Variants in OXSR1 observed in about 807,000 individuals in gnomAD.
OXSR1 encodes the protein serine/threonine-protein kinase OSR1.
A neutral mutation model predicts 79.8 loss-of-function variants in OXSR1; 24 were observed. The ratio of observed to expected loss-of-function variants is 0.30; its 90% CI spans 0.22 to 0.42. The LOEUF is 0.42. OXSR1 is among the 10% of genes least tolerant of loss of function. The probability of loss-of-function intolerance (pLI) is 1.00; values close to 1 mark genes in which losing one functional copy is unlikely to be tolerated. For missense variants in OXSR1, 430 were observed against 618.4 expected, an observed-to-expected ratio of 0.70 and a Z score of 3.23; for synonymous variants, 226 against 209.2, an observed-to-expected ratio of 1.08 and a Z score of -0.69.
At chr3:38,170,519 TGCATTTAA>T (rs1701559055) in intron 1 of OXSR1, among the ~76,000 whole-genome samples, 1 of 152,184 alleles carries the variant, frequency 6.6e-6, no homozygotes, top group African/African-American at 2.4e-5. Context: ...TTTTAGCTCT[TGCATTTAA>T]GCCTCTGATA....
chr3:38,233,860 T>A (rs1459673348), intron 10 of OXSR1, among the ~76,000 whole-genome samples: 1 of 151,690 alleles, frequency 6.6e-6, no homozygotes, highest in South Asian at 2.1e-4. Context: ...TGCAGGGAGC[T>A]GTGTTCGTGC....
At chr3:38,197,752 A>G (rs1702094010) in intron 3 of OXSR1, among the ~76,000 whole-genome samples, 1 of 152,216 alleles carries the variant, frequency 6.6e-6, no homozygotes, top group African/African-American at 2.4e-5. Context: ...ATTTGGAAGT[A>G]TATTTTTTCT....
intron 4 of OXSR1, among the ~76,000 whole-genome samples, chr3:38,207,854 T>C (rs968778494): frequency 1.3e-5 from 2 of 150,826 alleles, no homozygotes; most frequent in Non-Finnish European, 3.0e-5. Flanking sequence ...CTTGCTTGCT[T>C]TCTTTGCTTT....
rs376982746 is a variant in OXSR1 at position 38,246,148 on chromosome 3, C to A, written c.1184C>A (p.Pro395Gln). 6 of 1,613,518 alleles carry A rather than the reference C, an allele frequency of 3.7e-6. No individual in the cohort carries two copies. The highest frequency in any genetic ancestry group is 1.7e-5 in the Admixed American group (1 of 59,954). ...PEQISAHLPQ[P>Q]AGQIATQPTQ... is the part of the protein sequence containing the mutation. ...CAGATCTCTGCTCATCTACCTCAGCCAGCTGGGCAGATTGCTACACAGCCA... is the reference window on the plus strand; with the variant it reads ...CAGATCTCTGCTCATCTACCTCAGCAAGCTGGGCAGATTGCTACACAGCCA... The change falls in exon 13 of 18, where the codon CCA becomes CAA. Residue 395 changes from proline (P) to glutamine (Q), a missense_variant. Coordinates refer to ENST00000311806, the MANE Select transcript of OXSR1 (RefSeq NM_005109.3).
chr3:38,171,243 C>T (rs1005191419), intron 1 of OXSR1, among the ~76,000 whole-genome samples: 2 of 152,142 alleles, frequency 1.3e-5, no homozygotes, highest in Admixed American at 6.5e-5. Flanking sequence ...TTCAGTAAAG[C>T]ATTGTATTCT....
chr3:38,188,817 T>C (rs1701932671), intron 2 of OXSR1, among the ~76,000 whole-genome samples: 1 of 152,198 alleles, frequency 6.6e-6, no homozygotes, highest in African/African-American at 2.4e-5. Context: ...TATTTTTTAA[T>C]GTGCCTCTCC....
At chr3:38,243,402 TTCAGCC>T (rs1174168950) in intron 12 of OXSR1, among the ~76,000 whole-genome samples, 5 of 152,192 alleles carry the variant, frequency 3.3e-5, no homozygotes, top group African/African-American at 1.2e-4. Context: ...AATTCTTTCT[TTCAGCC>T]TCAGCCTCTT....
intron 1 of OXSR1, among the ~76,000 whole-genome samples, chr3:38,173,310 A>C (rs963993030): frequency 3.9e-5 from 6 of 152,214 alleles, no homozygotes; most frequent in Non-Finnish European, 8.8e-5. Context: ...ATTGCAAGTA[A>C]ATAATTTAAC....
intron 17 of OXSR1, 106 bp downstream of exon 17, chr3:38,252,498 T>C: frequency 1.2e-6 from 1 of 852,892 alleles, no homozygotes; most frequent in Admixed American, 1.7e-5. Context: ...TAAAATGTGG[T>C]GGATTGTGTT....
At chr3:38,230,611 A>G in intron 10 of OXSR1, 181 bp downstream of exon 10, 1 of 543,210 alleles carries the variant, frequency 1.8e-6, no homozygotes, top group Non-Finnish European at 3.4e-6. Context: ...ATGCCTTGGT[A>G]TTACTCTGCT....
chr3:38,198,952 T>A lies in OXSR1; in HGVS notation c.434+89T>A. On this transcript the variant is annotated intron_variant, in intron 4 of 17. Coordinates refer to ENST00000311806, the MANE Select transcript of OXSR1 (RefSeq NM_005109.3). ...GAATCGTGATCTCTGACTGTTATCATAGCTCTTTGTATCACTAGTTTTAGT... is the reference window on the plus strand; with the variant it reads ...GAATCGTGATCTCTGACTGTTATCAAAGCTCTTTGTATCACTAGTTTTAGT... 4 of 1,083,314 alleles carry A rather than the reference T, an allele frequency of 3.7e-6. No individual in the cohort carries two copies. The South Asian group carries it at 4.6e-5, about 13-fold the overall frequency. 67.1% of individuals were successfully genotyped at this position (1,083,314 alleles called of 1,614,324 possible).
intron 3 of OXSR1, among the ~76,000 whole-genome samples, chr3:38,197,086 G>T (rs1236199769): frequency 2.6e-5 from 4 of 152,182 alleles, no homozygotes; most frequent in Non-Finnish European, 4.4e-5. Flanking sequence ...TAATCACTTT[G>T]CTTTGGGGAT....
chr3:38,232,313 T>TA (rs971013209), intron 10 of OXSR1, among the ~76,000 whole-genome samples: 9 of 152,136 alleles, frequency 5.9e-5, no homozygotes, highest in African/African-American at 2.2e-4. Context: ...TCCCGGCTAT[T>TA]CAGGATGTTG....
intron 4 of OXSR1, among the ~76,000 whole-genome samples, chr3:38,205,487 G>A (rs1042647627): frequency 1.3e-5 from 2 of 152,190 alleles, no homozygotes; most frequent in African/African-American, 4.8e-5. Flanking sequence ...CATCCTCAGG[G>A]TTGGCCAGGA....
At chr3:38,173,857 A>C (rs895267702) in intron 1 of OXSR1, among the ~76,000 whole-genome samples, 1 of 152,242 alleles carries the variant, frequency 6.6e-6, no homozygotes, top group Non-Finnish European at 1.5e-5. Flanking sequence ...AGAAACTCTA[A>C]AGAAGAAAAA....
At chr3:38,232,528 A>G (rs1285519836) in intron 10 of OXSR1, among the ~76,000 whole-genome samples, 25 of 151,988 alleles carry the variant, frequency 1.6e-4, no homozygotes, top group Admixed American at 1.6e-3. Context: ...GCTGAGGCGG[A>G]TGGATTGCTT....
At chr3:38,200,849 C>CT (rs1344253065) in intron 4 of OXSR1, among the ~76,000 whole-genome samples, 1 of 152,112 alleles carries the variant, frequency 6.6e-6, no homozygotes, top group Non-Finnish European at 1.5e-5. Context: ...TGCCAAATTG[C>CT]TTTTCAGAAA....
At chr3:38,190,150 T>C (rs1313312744) in intron 2 of OXSR1, among the ~76,000 whole-genome samples, 1 of 152,120 alleles carries the variant, frequency 6.6e-6, no homozygotes, top group African/African-American at 2.4e-5. Context: ...ACACATGGCT[T>C]TATAAGGCAT....
intron 1 of OXSR1, among the ~76,000 whole-genome samples, chr3:38,171,502 A>G (rs529356927): frequency 1.3e-5 from 2 of 152,296 alleles, no homozygotes; most frequent in Admixed American, 1.3e-4. Flanking sequence ...TAACATGTTT[A>G]TTTGAACTGT....
Sources: allele counts gnomAD v4.1 joint callset (sites outside exome capture counted in the v4.1 genomes callset), GRCh38; gene constraint gnomAD v4.1.1; transcripts MANE v1.5; gene names NCBI Gene and HGNC (gene_info 2026-07-23, HGNC 2026-07-21).